MCRIP1: variants seen among roughly 807,000 people sequenced by gnomAD.
The protein encoded by MCRIP1 is MAPK regulated corepressor interacting protein 1, also known as mapk-regulated corepressor-interacting protein 1.
A neutral mutation model predicts 14.4 loss-of-function variants in MCRIP1; 10 were observed. The observed-to-expected ratio is 0.70, with a 90% CI of 0.43 to 1.18. MCRIP1 has a LOEUF of 1.18. Among genes scored for constraint, MCRIP1 ranks in the 50% most tolerant of loss-of-function variants. The probability of loss-of-function intolerance (pLI) is 0.00; values close to 1 mark genes in which losing one functional copy is unlikely to be tolerated. For synonymous variants in MCRIP1, 53 were observed against 55.7 expected (o/e 0.95, Z 0.21); for missense variants, 119 against 135.4 (o/e 0.88, Z 0.60).
At chr17:81,833,068 G>A (rs1009069003) in intron 1 of MCRIP1, among the ~76,000 whole-genome samples, 170 bp downstream of exon 1, 1 of 149,732 alleles carries the variant, frequency 6.7e-6, no homozygotes, top group Non-Finnish European at 1.5e-5. Context: ...GGTGCCGGGC[G>A]GGGAACGCGG....
At chr17:81,831,033 G>A (rs1200286621) in intron 1 of MCRIP1, among the ~76,000 whole-genome samples, 5 of 152,026 alleles carry the variant, frequency 3.3e-5, no homozygotes, top group South Asian at 4.1e-4. Context: ...TTAGCTGGGC[G>A]TGGTGGCACA....
intron 1 of MCRIP1, among the ~76,000 whole-genome samples, chr17:81,830,409 G>T (rs2038493416): frequency 6.6e-6 from 1 of 152,188 alleles, no homozygotes; most frequent in South Asian, 2.1e-4. Context: ...GGCTGAGGTG[G>T]GCAGATCACC....
intron 1 of MCRIP1, among the ~76,000 whole-genome samples, chr17:81,829,622 C>T (rs561637782): frequency 4.5e-4 from 68 of 152,294 alleles, no homozygotes; most frequent in African/African-American, 1.6e-3. Context: ...TCTCAATGTA[C>T]TGTAAAATAT....
rs1475737144 is a variant in MCRIP1, at chr17:81,824,498, C to G, written c.8+1G>C. On this transcript the variant is annotated splice_donor_variant, in intron 2 of 4. Transcript: ENST00000455127. LOFTEE classifies it high-confidence loss of function. Reference sequence around the variant, plus strand: ...GACCAGCCCACCTGCCTGAGACCCACCTGGTCATCGCGGGGGCGTCTGATC... The same window carrying G: ...GACCAGCCCACCTGCCTGAGACCCAGCTGGTCATCGCGGGGGCGTCTGATC... 1 of 1,536,162 alleles carries G rather than the reference C, an allele frequency of 6.5e-7. No homozygotes were observed. The highest frequency in any genetic ancestry group is 8.7e-7 in the Non-Finnish European group (1 of 1,146,832).
chr17:81,828,754 A>G (rs1162433497), intron 1 of MCRIP1, among the ~76,000 whole-genome samples: 1 of 152,214 alleles, frequency 6.6e-6, no homozygotes, highest in Non-Finnish European at 1.5e-5. Context: ...AGGCATGGAC[A>G]TAACTGGAGC....
intron 2 of MCRIP1, 33 bp from the exon 3 acceptor site, chr17:81,824,438 CAGCAG>C: frequency 6.5e-7 from 1 of 1,534,178 alleles, no homozygotes; most frequent in Middle Eastern, 1.7e-4. Context: ...ACAGGGCACA[CAGCAG>C]GGTGGGAGCC....
At chr17:81,825,644 G>A (rs2038375466) in intron 1 of MCRIP1, 1 of 1,289,244 alleles carries the variant, frequency 7.8e-7, no homozygotes, top group African/African-American at 1.5e-5. Context: ...GAATCCCACG[G>A]CTCAAGGGCA....
In MCRIP1 at chr17:81,822,978, A is replaced by G. The variant is rs1373752021; in HGVS notation, c.*269T>C. ...AGGTCAGGGCCCCTGGGGGCCAGGC[A>G]GCTTCAAAAATGCAGCCAGGTGGCT... is the stretch of plus-strand genomic sequence containing the variant. On this transcript the variant is annotated 3_prime_UTR_variant, in exon 5 of 5. Coordinates refer to ENST00000455127, the MANE Select transcript of MCRIP1 (RefSeq NM_207368.5). The G allele has an allele frequency of 5.5e-5, 32 of 585,360 alleles. No homozygotes were observed. Among genetic ancestry groups the G allele is most frequent in the Non-Finnish European group, 8.5e-5 (28 of 328,496 alleles). 36.3% of individuals were successfully genotyped at this position (585,360 alleles called of 1,614,324 possible).
chr17:81,824,275 A>C lies in MCRIP1; in HGVS notation c.127+12T>G. ...GGACAGGGCAGGAGCTGTGTGTGGC[A>C]GGCGCACCCACCTTCGTAAATGAAG... On this transcript the variant is annotated intron_variant, in intron 3 of 4. Coordinates refer to ENST00000455127, the MANE Select transcript of MCRIP1 (RefSeq NM_207368.5). The C allele has an allele frequency of 6.6e-7, 1 of 1,523,480 alleles. No individual in the cohort carries two copies. Among genetic ancestry groups the C allele is most frequent in the South Asian group, 1.2e-5 (1 of 83,812 alleles). The allele number at this position is 1,523,480 out of a possible 1,614,324, so 94.4% of individuals were successfully genotyped here.
chr17:81,825,538 A>G (rs2038372690), intron 1 of MCRIP1: 7 of 1,279,848 alleles, frequency 5.5e-6, no homozygotes, highest in Non-Finnish European at 6.1e-6. Context: ...ACACGGCTGC[A>G]GCCCTCACAG....
chr17:81,828,586 T>C (rs973291303), intron 1 of MCRIP1, among the ~76,000 whole-genome samples: 1 of 150,812 alleles, frequency 6.6e-6, no homozygotes, highest in Non-Finnish European at 1.5e-5. Context: ...CGCAGAAGGG[T>C]AGCAATGCAC....
In MCRIP1 at chr17:81,830,853, T is replaced by A. The variant is rs1187098947; in HGVS notation, c.-49+2385A>T. The stretch of plus-strand genomic sequence containing the variant: ...GCCTGGGCAACATGGCAAAACCCCA[T>A]TGCTACTAAAAAAAAAAAATACAAA... On this transcript the variant is annotated intron_variant, in intron 1 of 4. Coordinates refer to ENST00000455127, the MANE Select transcript of MCRIP1 (RefSeq NM_207368.5). Among the ~76,000 whole-genome samples the A allele has an allele frequency of 7.1e-4, 104 of 147,368 alleles. 2 individuals carry two copies. The highest frequency in any genetic ancestry group is 3.0e-4 in the Non-Finnish European group (20 of 67,100).
intron 1 of MCRIP1, chr17:81,824,909 G>C: frequency 8.5e-7 from 1 of 1,182,656 alleles, no homozygotes; most frequent in Non-Finnish European, 1.0e-6. Context: ...TGGGCTGGTG[G>C]GGCCGTCAGC....
At chr17:81,827,693 G>C (rs2038436630) in intron 1 of MCRIP1, among the ~76,000 whole-genome samples, 1 of 151,838 alleles carries the variant, frequency 6.6e-6, no homozygotes, top group African/African-American at 2.4e-5. Context: ...CTGCACTCCA[G>C]CCTGGGTGAC....
At chr17:81,832,728 C>A (rs137961936) in intron 1 of MCRIP1, among the ~76,000 whole-genome samples, 2 of 152,270 alleles carry the variant, frequency 1.3e-5, no homozygotes, top group Admixed American at 1.3e-4. Context: ...GGCGGAGGCC[C>A]CGTTCTCCCC....
chr17:81,832,395 C>T (rs1288535502), intron 1 of MCRIP1, among the ~76,000 whole-genome samples: 1 of 152,172 alleles, frequency 6.6e-6, no homozygotes, highest in East Asian at 1.9e-4. Flanking sequence ...CCATCCTGAT[C>T]CCACTCAAAC....
At chr17:81,824,250 G>T in intron 3 of MCRIP1, 37 bp downstream of exon 3, 1 of 1,484,312 alleles carries the variant, frequency 6.7e-7, no homozygotes, top group Non-Finnish European at 9.1e-7. Context: ...ACTCCGTCAA[G>T]GACAGGGCAG....
chr17:81,825,785 C>T (rs2038379218), intron 1 of MCRIP1: 2 of 1,289,336 alleles, frequency 1.6e-6, no homozygotes, highest in African/African-American at 1.5e-5. Flanking sequence ...ACAAAGTCAC[C>T]TCTCCTTTCT....
At position 81,823,024 on chromosome 17, in the gene MCRIP1, G is replaced by A. The variant is rs1484582282; in HGVS notation, c.*223C>T. On this transcript the variant is annotated 3_prime_UTR_variant, in exon 5 of 5. Transcript: ENST00000455127. The surrounding 1 kb of genome is among the most constrained non-coding windows in gnomAD (Gnocchi z 6.0). ...TGGCTGGGGGAGGGCAGGAGGGTGGGCAGGGCCCAGACCCCCATGATGGGG... is the reference window on the plus strand; with the variant it reads ...TGGCTGGGGGAGGGCAGGAGGGTGGACAGGGCCCAGACCCCCATGATGGGG... 2 of 603,690 alleles carry A rather than the reference G, an allele frequency of 3.3e-6. No individual in the cohort carries two copies. The highest frequency in any genetic ancestry group is 5.8e-5 in the Admixed American group (2 of 34,192). The allele number at this position is 603,690 out of a possible 1,614,324, so 37.4% of individuals were successfully genotyped here.
Sources: allele counts gnomAD v4.1 joint callset (sites outside exome capture counted in the v4.1 genomes callset), GRCh38; gene constraint gnomAD v4.1.1; non-coding constraint Gnocchi (gnomAD v3.1); transcripts MANE v1.5; gene names NCBI Gene and HGNC (gene_info 2026-07-23, HGNC 2026-07-21).